Variants in NXPH1 observed in about 807,000 individuals in gnomAD.
NXPH1 encodes neurexophilin-1.
A neutral mutation model predicts 23.7 loss-of-function variants in NXPH1; 5 were observed. That is an observed-to-expected ratio of 0.21 (90% CI 0.11 to 0.44). The LOEUF (loss-of-function observed/expected upper bound fraction) is 0.44, where lower values mean the gene tolerates loss of function less well. Ranked by LOEUF, NXPH1 falls within the 20% of genes least tolerant of loss-of-function variation. The pLI, the probability that NXPH1 is intolerant of heterozygous loss-of-function variation, is 0.99. For missense variants in NXPH1, 324 were observed against 321.6 expected (o/e 1.01, Z -0.06); for synonymous variants, 144 against 122.2 (o/e 1.18, Z -1.18).
chr7:8,708,929 A>G (rs934731218), intron 2 of NXPH1, among the ~76,000 whole-genome samples: 2 of 152,198 alleles, frequency 1.3e-5, no homozygotes, highest in African/African-American at 4.8e-5. Context: ...GAACTGAGTC[A>G]GAATCTGCAT....
At chr7:8,488,215 CCCATA>C (rs1302176945) in intron 2 of NXPH1, among the ~76,000 whole-genome samples, 2 of 152,090 alleles carry the variant, frequency 1.3e-5, no homozygotes, top group African/African-American at 4.8e-5. Context: ...TTACCACTAT[CCCATA>C]CCATGGGACA....
rs148526072 is a variant in NXPH1 at position 8,486,193 on chromosome 7, A to G, written c.54+50426A>G. ...AAGTAGTTTCCCTCCTTCTGAAGGA[A>G]GAACTAGACAGAATTCCCTTCAGCC... On this transcript the variant is annotated intron_variant, in intron 2 of 2. Coordinates refer to ENST00000405863, the MANE Select transcript of NXPH1 (RefSeq NM_152745.3). Among the ~76,000 whole-genome samples, 939 of 152,324 alleles carry G rather than the reference A, an allele frequency of 6.2e-3. 3 individuals are homozygous for G. Among genetic ancestry groups the G allele is most frequent in the Non-Finnish European group, 9.5e-3 (647 of 68,030 alleles).
At chr7:8,463,902 C>T (rs567054063) in intron 2 of NXPH1, among the ~76,000 whole-genome samples, 55 of 152,284 alleles carry the variant, frequency 3.6e-4, no homozygotes, top group Middle Eastern at 3.4e-3. Flanking sequence ...CATTATTTCT[C>T]CTACTCCATA....
In NXPH1 at chr7:8,751,762, C is replaced by T. The variant is rs750253607; in HGVS notation, c.809C>T (p.Ser270Leu). Residue 270 changes from serine to leucine, a missense_variant, in exon 3 of 3, where the codon TCG (serine) becomes TTG (leucine). Physicochemically the swap from Ser to Leu is moderately radical, Grantham distance 145. Coordinates refer to ENST00000405863, the MANE Select transcript of NXPH1 (RefSeq NM_152745.3). The surrounding 1 kb of genome is among the most constrained non-coding windows in gnomAD (Gnocchi z 4.5). Reference sequence around the variant, plus strand: ...CACAGTGACACACCTTACTTTCCCTCGGGATGAAGGTGAACATGGGGGTGA... The same window carrying T: ...CACAGTGACACACCTTACTTTCCCTTGGGATGAAGGTGAACATGGGGGTGA... The part of the protein sequence containing the change: ...NYHSDTPYFP[S>L]G The T allele has an allele frequency of 2.5e-6, 4 of 1,607,434 alleles. No homozygotes were observed. The highest frequency in any genetic ancestry group is 1.1e-5 in the South Asian group (1 of 90,472).
At chr7:8,574,266 T>A (rs1818708900) in intron 2 of NXPH1, among the ~76,000 whole-genome samples, 1 of 152,174 alleles carries the variant, frequency 6.6e-6, no homozygotes, top group African/African-American at 2.4e-5. Flanking sequence ...AACTGTTTTT[T>A]TAAATTTTCA....
intron 2 of NXPH1, among the ~76,000 whole-genome samples, chr7:8,612,154 T>G (rs1161402385): frequency 6.6e-6 from 1 of 151,908 alleles, no homozygotes; most frequent in Non-Finnish European, 1.5e-5. Context: ...CCTTCTTTCC[T>G]TTCTCTTTCT....
intron 2 of NXPH1, among the ~76,000 whole-genome samples, chr7:8,509,093 T>C (rs73675739): frequency 0.02 from 3,005 of 152,182 alleles, 85 homozygotes; most frequent in African/African-American, 0.065. Context: ...TAACACTTGG[T>C]GTAATTTTGA....
intron 2 of NXPH1, among the ~76,000 whole-genome samples, chr7:8,599,081 G>A (rs540096196): frequency 4.6e-5 from 7 of 152,262 alleles, no homozygotes; most frequent in African/African-American, 1.7e-4. Context: ...GGAGGCAGTA[G>A]ACATGCAAAC....
chr7:8,689,643 C>T (rs927101513), intron 2 of NXPH1, among the ~76,000 whole-genome samples: 2 of 152,144 alleles, frequency 1.3e-5, no homozygotes, highest in Admixed American at 1.3e-4. Flanking sequence ...GGAGTAAATA[C>T]AATAACTTGA....
chr7:8,457,753 T>C (rs1393761168), intron 2 of NXPH1, among the ~76,000 whole-genome samples: 2 of 152,136 alleles, frequency 1.3e-5, no homozygotes, highest in Non-Finnish European at 2.9e-5. Context: ...CTCAGCCTTC[T>C]GGCAAAGACT....
intron 2 of NXPH1, among the ~76,000 whole-genome samples, chr7:8,505,589 G>T (rs113392100): frequency 1.2e-3 from 183 of 152,122 alleles, no homozygotes; most frequent in African/African-American, 4.0e-3. Context: ...AAATCTAGGG[G>T]ATATCAGAGT....
rs567077214 is a variant in NXPH1, at chr7:8,457,028, C to T, written c.54+21261C>T. ...TCTAGGACAAAGAACCCCTAATGTC[C>T]ACAAAGGTCAATTGAATATTTATGC... On this transcript the variant is annotated intron_variant, in intron 2 of 2. Coordinates refer to ENST00000405863, the MANE Select transcript of NXPH1 (RefSeq NM_152745.3). 1.6e-3 allele frequency among the ~76,000 whole-genome samples: 238 copies of T among 152,216 alleles called. 2 individuals are homozygous for T. The highest frequency in any genetic ancestry group is 5.4e-3 in the African/African-American group (224 of 41,540).
At chr7:8,598,830 G>C (rs1290209475) in intron 2 of NXPH1, among the ~76,000 whole-genome samples, 1 of 152,074 alleles carries the variant, frequency 6.6e-6, no homozygotes, top group East Asian at 1.9e-4. Flanking sequence ...GTATAGCCTG[G>C]TAAGAGTTTT....
intron 2 of NXPH1, among the ~76,000 whole-genome samples, chr7:8,637,967 T>C (rs1401420826): frequency 2.0e-5 from 3 of 152,168 alleles, no homozygotes; most frequent in Non-Finnish European, 4.4e-5. Context: ...AATCCAAGTC[T>C]AGACTATCAA....
chr7:8,579,281 C>G (rs909930985), intron 2 of NXPH1, among the ~76,000 whole-genome samples: 4 of 152,000 alleles, frequency 2.6e-5, no homozygotes, highest in Admixed American at 6.6e-5. Context: ...AAAGACAAGA[C>G]TTACCTAAAA....
chr7:8,725,820 G>C (rs995825886), intron 2 of NXPH1, among the ~76,000 whole-genome samples: 1 of 151,300 alleles, frequency 6.6e-6, no homozygotes, highest in Non-Finnish European at 1.5e-5. Flanking sequence ...TTTTATTTCT[G>C]GGTTGACCGA....
chr7:8,444,639 T>C (rs1267161022), intron 2 of NXPH1, among the ~76,000 whole-genome samples: 1 of 152,236 alleles, frequency 6.6e-6, no homozygotes, highest in African/African-American at 2.4e-5. Context: ...TGCAATACCA[T>C]AGTACTTAGG....
At chr7:8,680,507 G>A (rs1704826330) in intron 2 of NXPH1, among the ~76,000 whole-genome samples, 1 of 152,212 alleles carries the variant, frequency 6.6e-6, no homozygotes, top group South Asian at 2.1e-4. Flanking sequence ...AAGAGAAAAT[G>A]TTAGGTAGTA....
intron 2 of NXPH1, among the ~76,000 whole-genome samples, chr7:8,605,172 G>A (rs1375294031): frequency 6.6e-6 from 1 of 152,070 alleles, no homozygotes; most frequent in Non-Finnish European, 1.5e-5. Context: ...TTGATGTGTG[G>A]AAAATGAAAG....
Sources: allele counts gnomAD v4.1 joint callset (sites outside exome capture counted in the v4.1 genomes callset), GRCh38; gene constraint gnomAD v4.1.1; non-coding constraint Gnocchi (gnomAD v3.1); transcripts MANE v1.5; gene names NCBI Gene and HGNC (gene_info 2026-07-23, HGNC 2026-07-21).